ARMH4: variants seen among roughly 807,000 people sequenced by gnomAD.
ARMH4 encodes armadillo like helical domain containing 4.
A neutral mutation model predicts 61.9 loss-of-function variants in ARMH4; 49 were observed. The ratio of observed to expected loss-of-function variants is 0.79; its 90% CI spans 0.63 to 1.00. The LOEUF is 1.00. Among genes scored for constraint, ARMH4 ranks in the 50% least tolerant of loss-of-function variants. ARMH4 has a pLI of 0.00. For missense variants in ARMH4, 934 were observed against 930.0 expected (o/e 1.00, Z -0.06); for synonymous variants, 368 against 341.5 (o/e 1.08, Z -0.85).
intron 6 of ARMH4, among the ~76,000 whole-genome samples, chr14:58,007,792 G>C (rs1402093459): frequency 1.3e-5 from 2 of 152,124 alleles, no homozygotes; most frequent in South Asian, 2.1e-4. Flanking sequence ...GTGACACCTT[G>C]AGAAAGACAC....
intron 4 of ARMH4, among the ~76,000 whole-genome samples, chr14:58,124,510 C>T (rs553614624): frequency 9.2e-5 from 14 of 152,274 alleles, no homozygotes; most frequent in South Asian, 8.3e-4. Context: ...ATGTGAATGG[C>T]ATACTGACTG....
intron 4 of ARMH4, among the ~76,000 whole-genome samples, chr14:58,115,274 G>C (rs1416600677): frequency 6.6e-6 from 1 of 152,048 alleles, no homozygotes; most frequent in African/African-American, 2.4e-5. Flanking sequence ...CATTAAAAAT[G>C]GGCAAAGAAC....
chr14:58,118,783 A>C (rs1886620934), intron 4 of ARMH4, among the ~76,000 whole-genome samples: 1 of 152,114 alleles, frequency 6.6e-6, no homozygotes, highest in African/African-American at 2.4e-5. Flanking sequence ...GTGTTCCCTT[A>C]GGTTTGAGCC....
At chr14:58,018,030 A>G (rs1882679016) in intron 5 of ARMH4, among the ~76,000 whole-genome samples, 1 of 152,232 alleles carries the variant, frequency 6.6e-6, no homozygotes, top group African/African-American at 2.4e-5. Context: ...GGGAAAGGAC[A>G]GTCTCTTTAA....
At chr14:58,148,856 C>CAA (rs1415642278) in intron 1 of ARMH4, among the ~76,000 whole-genome samples, 1 of 151,472 alleles carries the variant, frequency 6.6e-6, no homozygotes, top group Non-Finnish European at 1.5e-5. Context: ...TACACACACA[C>CAA]ACACACACAC....
At chr14:58,080,832 T>G (rs1207729939) in intron 5 of ARMH4, among the ~76,000 whole-genome samples, 3 of 152,172 alleles carry the variant, frequency 2.0e-5, no homozygotes, top group Admixed American at 6.5e-5. Context: ...CCAGGCATAG[T>G]GGCTCACACC....
chr14:58,139,118 G>A lies in ARMH4; in HGVS notation c.241C>T (p.Pro81Ser), dbSNP rs765053233. The change falls in exon 2 of 8, where the codon CCA becomes TCA. Residue 81 changes from proline to serine, a missense_variant. Physicochemically the swap from Pro to Ser is moderately conservative, Grantham distance 74 (BLOSUM62 -1). Coordinates refer to ENST00000267485, the MANE Select transcript of ARMH4 (RefSeq NM_001001872.4). Reference protein sequence around the residue: ...SEDPMMMSAVPSATSLNKAFS... With the variant: ...SEDPMMMSAVSSATSLNKAFS... The stretch of plus-strand genomic sequence containing the variant: ...GCTTTATTTAATGATGTTGCCGATG[G>A]TACTGCTGACATCATCATTGGATCT... 6.2e-7 allele frequency: 1 copy of A among 1,614,230 alleles called. No homozygotes were observed. The highest frequency in any genetic ancestry group is 1.1e-5 in the South Asian group (1 of 91,084).
chr14:58,040,593 T>C (rs1258696973), intron 5 of ARMH4, among the ~76,000 whole-genome samples: 1 of 152,232 alleles, frequency 6.6e-6, no homozygotes, highest in Non-Finnish European at 1.5e-5. Flanking sequence ...CTTCCATGTC[T>C]TTCCTATTGT....
chr14:58,006,169 CT>C (rs1435402900), intron 6 of ARMH4, among the ~76,000 whole-genome samples: 1 of 152,128 alleles, frequency 6.6e-6, no homozygotes, highest in Non-Finnish European at 1.5e-5. Flanking sequence ...GCCAATAAGA[CT>C]CCTATGGGCT....
intron 5 of ARMH4, among the ~76,000 whole-genome samples, chr14:58,012,405 A>G (rs929413175): frequency 1.3e-5 from 2 of 152,172 alleles, no homozygotes; most frequent in African/African-American, 4.8e-5. Context: ...TTCTATTATT[A>G]TTGAATGATT....
At chr14:58,083,153 G>C (rs773006140) in intron 5 of ARMH4, among the ~76,000 whole-genome samples, 4 of 152,180 alleles carry the variant, frequency 2.6e-5, no homozygotes, top group Admixed American at 6.5e-5. Flanking sequence ...AGAGTTGTTT[G>C]TTATAGCAAC....
intron 1 of ARMH4, among the ~76,000 whole-genome samples, chr14:58,151,232 C>T (rs1188287156): frequency 1.3e-5 from 2 of 152,186 alleles, no homozygotes; most frequent in African/African-American, 4.8e-5. Flanking sequence ...CTTTGAGAAC[C>T]CAAACTCTTA....
intron 6 of ARMH4, among the ~76,000 whole-genome samples, chr14:58,009,805 T>C: frequency 1.5e-5 from 1 of 64,664 alleles, no homozygotes; most frequent in Non-Finnish European, 2.7e-5. Flanking sequence ...AGCAAGACTC[T>C]GCAAAAAAAA....
intron 5 of ARMH4, among the ~76,000 whole-genome samples, chr14:58,082,875 C>G (rs1248572646): frequency 6.6e-6 from 1 of 152,174 alleles, no homozygotes; most frequent in Admixed American, 6.5e-5. Context: ...GCCATCACCC[C>G]CTGCCCCTCC....
chr14:58,055,144 C>T (rs1186446612), intron 5 of ARMH4, among the ~76,000 whole-genome samples: 1 of 152,166 alleles, frequency 6.6e-6, no homozygotes, highest in Admixed American at 6.5e-5. Flanking sequence ...CTATTCAAGC[C>T]ATTTGCTAAT....
At chr14:58,027,950 G>GA (rs1321042754) in intron 5 of ARMH4, among the ~76,000 whole-genome samples, 1 of 152,122 alleles carries the variant, frequency 6.6e-6, no homozygotes, top group Non-Finnish European at 1.5e-5. Context: ...TGATCCTTAG[G>GA]AAAAAACCTA....
intron 5 of ARMH4, among the ~76,000 whole-genome samples, chr14:58,064,502 A>G (rs1884640049): frequency 6.6e-6 from 1 of 152,214 alleles, no homozygotes; most frequent in African/African-American, 2.4e-5. Flanking sequence ...TTCTATTCCA[A>G]TAAGTCAATC....
chr14:58,092,388 C>T (rs532967379), intron 5 of ARMH4, among the ~76,000 whole-genome samples: 23 of 152,320 alleles, frequency 1.5e-4, no homozygotes, highest in African/African-American at 4.6e-4. Flanking sequence ...GCATAGCTGC[C>T]ATGAGGCTCT....
intron 5 of ARMH4, among the ~76,000 whole-genome samples, chr14:58,032,180 G>C (rs1351893414): frequency 6.6e-6 from 1 of 152,148 alleles, no homozygotes; most frequent in African/African-American, 2.4e-5. Context: ...GGAGAACCCA[G>C]ATGAGACTTA....
Sources: allele counts gnomAD v4.1 joint callset (sites outside exome capture counted in the v4.1 genomes callset), GRCh38; gene constraint gnomAD v4.1.1; transcripts MANE v1.5; gene names NCBI Gene and HGNC (gene_info 2026-07-23, HGNC 2026-07-21).